PCDH11Y: variants seen among roughly 807,000 people sequenced by gnomAD.
PCDH11Y encodes the protein protocadherin-11 Y-linked.
For missense variants in PCDH11Y, 12 were observed against 224.8 expected (o/e 0.05, Z 6.05); for synonymous variants, 9 against 83.6 (o/e 0.11, Z 4.87).
chrY:5,612,351 A>G lies in PCDH11Y; in HGVS notation c.3352+30553A>G, dbSNP rs1602951349. Among the ~76,000 whole-genome samples, 9 of 33,384 alleles carry G rather than the reference A, an allele frequency of 2.7e-4. No individual in the cohort carries two copies. The East Asian group carries it at 5.4e-3, about 20-fold the overall frequency. The allele number at this position is 33,384 out of a possible 37,273, so 89.6% of individuals were successfully genotyped here. On this transcript the variant is annotated intron_variant, in intron 4 of 4. Transcript: ENST00000400457. ...ATCTATTTAAAACACAGCTATATGGATGCACATTGCATATACTAAAAGGTC... is the reference window on the plus strand; with the variant it reads ...ATCTATTTAAAACACAGCTATATGGGTGCACATTGCATATACTAAAAGGTC...
chrY:5,329,072 G>A, intron 2 of PCDH11Y, among the ~76,000 whole-genome samples: 1 of 32,710 alleles, frequency 3.1e-5, no homozygotes, highest in African/African-American at 1.2e-4. Context: ...TGAAAGTGCC[G>A]TTTTCTGGCT....
At chrY:5,275,486 G>T in intron 2 of PCDH11Y, among the ~76,000 whole-genome samples, 3 of 31,753 alleles carry the variant, frequency 9.4e-5, no homozygotes, top group Non-Finnish European at 2.3e-4. Context: ...TTTGTTGAAA[G>T]AACTGTATGG....
chrY:5,197,992 A>T (rs2052922719), intron 2 of PCDH11Y, among the ~76,000 whole-genome samples: 4 of 29,702 alleles, frequency 1.3e-4, no homozygotes, highest in East Asian at 1.8e-3. Flanking sequence ...AAAAAAAATT[A>T]AAAAAAAAAT....
At chrY:5,476,917 T>TTTG (rs2053320025) in intron 2 of PCDH11Y, among the ~76,000 whole-genome samples, 8 of 32,320 alleles carry the variant, frequency 2.5e-4, no homozygotes, top group Non-Finnish European at 1.5e-4. Flanking sequence ...GCAGTAGGTT[T>TTTG]TTGTTGTTGT....
intron 3 of PCDH11Y, among the ~76,000 whole-genome samples, chrY:5,505,913 G>A (rs2124688499): frequency 3.1e-5 from 1 of 31,866 alleles, no homozygotes. Context: ...TAACACTAGG[G>A]TAATTACTAG....
intron 4 of PCDH11Y, among the ~76,000 whole-genome samples, chrY:5,700,859 T>C: frequency 3.0e-5 from 1 of 32,987 alleles, no homozygotes; most frequent in Admixed American, 2.8e-4. Flanking sequence ...TAGAACTTCC[T>C]AGAGACCTAA....
At chrY:5,228,367 A>C in intron 2 of PCDH11Y, among the ~76,000 whole-genome samples, 1 of 31,121 alleles carries the variant, frequency 3.2e-5, no homozygotes, top group African/African-American at 1.3e-4. Context: ...TCTAACTTTT[A>C]AAAAACCAGC....
chrY:5,268,361 T>G, intron 2 of PCDH11Y, among the ~76,000 whole-genome samples: 1 of 33,310 alleles, frequency 3.0e-5, no homozygotes, highest in East Asian at 7.7e-4. Context: ...TTGAATTTCA[T>G]TGACAAACAT....
At chrY:5,597,023 T>G in intron 4 of PCDH11Y, among the ~76,000 whole-genome samples, 1 of 32,376 alleles carries the variant, frequency 3.1e-5, no homozygotes. Flanking sequence ...CGTAAATATG[T>G]TTCATTGTGA....
At chrY:5,046,375 G>C (rs2052639000) in intron 3 of PCDH11Y, among the ~76,000 whole-genome samples, 1 of 33,377 alleles carries the variant, frequency 3.0e-5, no homozygotes, top group South Asian at 6.8e-4. Flanking sequence ...CCTGCAGTGT[G>C]AGGTGTCAGT....
At chrY:5,648,039 T>G (rs2053528721) in intron 4 of PCDH11Y, among the ~76,000 whole-genome samples, 1 of 33,074 alleles carries the variant, frequency 3.0e-5, no homozygotes, top group Non-Finnish European at 7.4e-5. Context: ...GTAACTCTGG[T>G]GACAAAATGA....
intron 2 of PCDH11Y, among the ~76,000 whole-genome samples, chrY:5,173,417 C>T (rs2052889177): frequency 1.6e-4 from 5 of 32,025 alleles, no homozygotes; most frequent in Admixed American, 8.8e-4. Flanking sequence ...AAAAAGCTGG[C>T]TGGGATTTTC....
At chrY:5,022,628 A>G in intron 1 of PCDH11Y, among the ~76,000 whole-genome samples, 8 of 31,261 alleles carry the variant, frequency 2.6e-4, no homozygotes, top group African/African-American at 1.0e-3. Context: ...TCAAAAAAAA[A>G]AAAAAAAAAG....
At chrY:5,346,197 T>C (rs2053152297) in intron 2 of PCDH11Y, among the ~76,000 whole-genome samples, 1 of 33,524 alleles carries the variant, frequency 3.0e-5, no homozygotes, top group Non-Finnish European at 7.4e-5. Context: ...AAAGATGATA[T>C]CAATTTTTCA....
At chrY:5,284,143 T>C in intron 2 of PCDH11Y, among the ~76,000 whole-genome samples, 1 of 32,835 alleles carries the variant, frequency 3.0e-5, no homozygotes, top group African/African-American at 1.2e-4. Flanking sequence ...CAACCTTACA[T>C]ATATCAAATG....
chrY:5,566,163 C>T (rs2053434969), intron 3 of PCDH11Y, among the ~76,000 whole-genome samples: 2 of 26,618 alleles, frequency 7.5e-5, no homozygotes, highest in Non-Finnish European at 1.8e-4. Context: ...TTAGTAGAGA[C>T]GGGGTTTCAC....
intron 2 of PCDH11Y, among the ~76,000 whole-genome samples, chrY:5,271,441 GT>G (rs2053036342): frequency 3.1e-5 from 1 of 31,925 alleles, no homozygotes; most frequent in Non-Finnish European, 7.9e-5. Flanking sequence ...CTCAAATATA[GT>G]TGTCTCCAAC....
At chrY:5,089,098 A>G (rs2052736470) in intron 1 of PCDH11Y, among the ~76,000 whole-genome samples, 18 of 29,190 alleles carry the variant, frequency 6.2e-4, no homozygotes, top group Non-Finnish European at 8.7e-4. Flanking sequence ...ATGGCCTCGT[A>G]TTTTCTGCCC....
intron 2 of PCDH11Y, among the ~76,000 whole-genome samples, chrY:5,281,592 A>G (rs2053053996): frequency 3.1e-5 from 1 of 32,728 alleles, no homozygotes; most frequent in Admixed American, 2.9e-4. Context: ...GTTACACTCA[A>G]GTGCAATAAA....
Sources: allele counts gnomAD v4.1 joint callset (sites outside exome capture counted in the v4.1 genomes callset), GRCh38; gene constraint gnomAD v4.1.1; transcripts MANE v1.5; gene names NCBI Gene and HGNC (gene_info 2026-07-23, HGNC 2026-07-21).